The following CSMD2 variants were observed in gnomAD, a reference collection of about 807,000 sequenced individuals.
The protein encoded by CSMD2 is CUB and sushi domain-containing protein 2.
CSMD2 carries 130 observed loss-of-function variants against 398.5 expected under a neutral mutation model. The observed-to-expected ratio is 0.33, with a 90% CI of 0.28 to 0.38. The LOEUF is 0.38. Ranked by LOEUF, CSMD2 falls within the 10% of genes least tolerant of loss-of-function variation. The probability of loss-of-function intolerance (pLI) is 1.00; values close to 1 mark genes in which losing one functional copy is unlikely to be tolerated. For synonymous variants in CSMD2, 1,828 were observed against 1,908.5 expected, an observed-to-expected ratio of 0.96 and a Z score of 1.10; for missense variants, 3,829 against 4,764.9, an observed-to-expected ratio of 0.80 and a Z score of 5.78.
chr1:34,049,832 A>T (rs536101141), intron 2 of CSMD2, among the ~76,000 whole-genome samples: 2 of 152,264 alleles, frequency 1.3e-5, no homozygotes, highest in South Asian at 4.1e-4. Context: ...CCCAAAGTTT[A>T]TATGTTGAAT....
intron 5 of CSMD2, among the ~76,000 whole-genome samples, chr1:33,898,863 C>T (rs1182078041): frequency 2.0e-5 from 3 of 152,164 alleles, no homozygotes; most frequent in Non-Finnish European, 4.4e-5. Flanking sequence ...GACACTTGCC[C>T]TCATGTGAAA....
chr1:33,654,959 T>C (rs968564596), intron 27 of CSMD2, among the ~76,000 whole-genome samples: 10 of 152,250 alleles, frequency 6.6e-5, no homozygotes, highest in African/African-American at 9.6e-5. Flanking sequence ...TGGGCACAGA[T>C]CTCTTCTAGA....
chr1:33,879,740 T>A (rs1641102019), intron 5 of CSMD2, among the ~76,000 whole-genome samples: 1 of 152,190 alleles, frequency 6.6e-6, no homozygotes, highest in Non-Finnish European at 1.5e-5. Context: ...CTACTAACTG[T>A]ATGAACTTGG....
Position 33,698,775 on chromosome 1 carries a change from G to A in CSMD2, c.3903C>T (p.Asp1301=). The change falls in exon 24 of 71, where the codon GAC becomes GAT. Residue 1301 remains aspartate, a synonymous_variant. Coordinates refer to ENST00000373381, the MANE Select transcript of CSMD2 (RefSeq NM_001281956.2). ...LCLSGERRTW[D]RPLPTCVAEC... is the part of the protein sequence containing the mutation. ...TACCGACACAGGTGGGCAGAGGCCG[G>A]TCCCAGGTCCGGCGCTCTCCACTCA... 3 of 1,613,340 alleles carry A rather than the reference G, an allele frequency of 1.9e-6. No individual in the cohort carries two copies. The highest frequency in any genetic ancestry group is 2.5e-6 in the Non-Finnish European group (3 of 1,179,586).
chr1:33,527,476 A>G (rs1352668016), intron 64 of CSMD2, among the ~76,000 whole-genome samples: 2 of 152,206 alleles, frequency 1.3e-5, no homozygotes, highest in African/African-American at 4.8e-5. Context: ...GAGGAAGTCC[A>G]TTTTATTAGT....
At chr1:33,700,704 T>G in intron 22 of CSMD2, 31 bp from the exon 23 acceptor site, 1 of 1,613,030 alleles carries the variant, frequency 6.2e-7, no homozygotes, top group Non-Finnish European at 8.5e-7. Flanking sequence ...CAACCCAATG[T>G]CGTCAGCATG....
chr1:33,840,739 C>T lies in CSMD2; in HGVS notation c.1033+6145G>A, dbSNP rs112515533. Among the ~76,000 whole-genome samples, 507 of 152,314 alleles carry T rather than the reference C, an allele frequency of 3.3e-3. 4 individuals carry two copies. Among genetic ancestry groups the T allele is most frequent in the African/African-American group, 0.012 (490 of 41,556 alleles). On this transcript the variant is annotated intron_variant, in intron 6 of 70. Coordinates refer to ENST00000373381, the MANE Select transcript of CSMD2 (RefSeq NM_001281956.2). ...ACAGGCTCACTCTGGACTGAACTCA[C>T]GAGCTCAGTTTTGTGGACCCTGGGC...
At chr1:33,577,536 T>C (rs1252043350) in intron 48 of CSMD2, 52 bp from the exon 49 acceptor site, 3 of 1,506,650 alleles carry the variant, frequency 2.0e-6, no homozygotes, top group Non-Finnish European at 2.7e-6. Flanking sequence ...AAGACAGACA[T>C]GGTCTTTCAT....
At chr1:33,625,860 G>A (rs1642091767) in intron 33 of CSMD2, among the ~76,000 whole-genome samples, 1 of 152,180 alleles carries the variant, frequency 6.6e-6, no homozygotes, top group Non-Finnish European at 1.5e-5. Flanking sequence ...GCAGAGGTTG[G>A]GACCTGGGGG....
Position 33,810,788 on chromosome 1 carries a change from G to C in CSMD2, c.1401C>G (p.Asn467Lys), listed in dbSNP as rs1656776458. The C allele has an allele frequency of 6.2e-7, 1 of 1,612,906 alleles. No homozygotes were observed. Among genetic ancestry groups the C allele is most frequent in the Non-Finnish European group, 8.5e-7 (1 of 1,179,436 alleles). The stretch of plus-strand genomic sequence containing the variant: ...TGATGATCCACACACAGTGTGCATT[G>C]TTGTCATACTGAATGGGGAAATTGG... ...TSPNFPIQYD[N>K]NAHCVWIITA... Residue 467 changes from asparagine to lysine, a missense_variant, in exon 10 of 71, where the codon AAC becomes AAG. Around this residue, in one of 5 missense-constraint regions of CSMD2, gnomAD observed 2,001 missense variants for 2,567.1 expected, o/e 0.78. Transcript: ENST00000373381.
chr1:33,625,856 G>A (rs541483925), intron 33 of CSMD2, among the ~76,000 whole-genome samples: 1 of 152,342 alleles, frequency 6.6e-6, no homozygotes, highest in South Asian at 2.1e-4. Flanking sequence ...GCAAGCAGAG[G>A]TTGGGACCTG....
intron 51 of CSMD2, among the ~76,000 whole-genome samples, chr1:33,570,575 A>G (rs1207922170): frequency 6.6e-6 from 1 of 152,072 alleles, no homozygotes; most frequent in Non-Finnish European, 1.5e-5. Flanking sequence ...TGACATCTGC[A>G]TTGGTCACAT....
chr1:33,819,986 AT>A (rs1480578832), intron 8 of CSMD2, 149 bp from the exon 9 acceptor site: 1 of 989,160 alleles, frequency 1.0e-6, no homozygotes, highest in Non-Finnish European at 1.5e-6. Flanking sequence ...AAAAATCTCC[AT>A]TGGAAGGAAC....
chr1:33,895,115 G>T (rs1642291764), intron 5 of CSMD2, among the ~76,000 whole-genome samples: 1 of 152,164 alleles, frequency 6.6e-6, no homozygotes, highest in Non-Finnish European at 1.5e-5. Context: ...CCTACATGTT[G>T]TATGTTAGAT....
intron 68 of CSMD2, 121 bp downstream of exon 68, chr1:33,521,342 G>C: frequency 1.4e-6 from 1 of 708,548 alleles, no homozygotes; most frequent in Non-Finnish European, 2.6e-6. Flanking sequence ...TGATCCCAAA[G>C]AGGCCAAAGC....
chr1:33,699,998 A>G (rs1290019728), intron 23 of CSMD2, among the ~76,000 whole-genome samples: 1 of 134,846 alleles, frequency 7.4e-6, no homozygotes, highest in Non-Finnish European at 1.5e-5. Flanking sequence ...CAAAGCATGT[A>G]TACTTTACTC....
chr1:33,629,971 C>G (rs1429742424), intron 32 of CSMD2, among the ~76,000 whole-genome samples: 3 of 151,946 alleles, frequency 2.0e-5, no homozygotes, highest in Admixed American at 1.3e-4. Flanking sequence ...GAGGCTGAGG[C>G]AGGTAGATCA....
chr1:33,969,838 C>T (rs911105406), intron 3 of CSMD2, among the ~76,000 whole-genome samples: 3 of 152,018 alleles, frequency 2.0e-5, no homozygotes, highest in Non-Finnish European at 2.9e-5. Context: ...TTCAGCCGGG[C>T]GTGGTGGCTC....
At chr1:33,646,440 T>G (rs1261948185) in intron 29 of CSMD2, among the ~76,000 whole-genome samples, 2 of 152,166 alleles carry the variant, frequency 1.3e-5, no homozygotes, top group Non-Finnish European at 2.9e-5. Flanking sequence ...GGTTCCCTTT[T>G]TTCCCACCCC....
Sources: allele counts gnomAD v4.1 joint callset (sites outside exome capture counted in the v4.1 genomes callset), GRCh38; gene constraint gnomAD v4.1.1; regional missense constraint gnomAD v4.1.1; transcripts MANE v1.5; gene names NCBI Gene and HGNC (gene_info 2026-07-23, HGNC 2026-07-21).